The following TDRD3 variants were observed in gnomAD, a reference collection of about 807,000 sequenced individuals.
TDRD3 encodes tudor domain-containing protein 3.
TDRD3 carries 45 observed loss-of-function variants against 86.7 expected under a neutral mutation model. The observed-to-expected ratio is 0.52, with a 90% CI of 0.41 to 0.67. The LOEUF is 0.67. Ranked by LOEUF, TDRD3 falls within the 30% of genes least tolerant of loss-of-function variation. The probability of loss-of-function intolerance (pLI) is 0.00; values close to 1 mark genes in which losing one functional copy is unlikely to be tolerated. For missense variants in TDRD3, 814 were observed against 889.0 expected, an observed-to-expected ratio of 0.92 and a Z score of 1.07; for synonymous variants, 298 against 301.7, an observed-to-expected ratio of 0.99 and a Z score of 0.13.
chr13:60,456,367 A>G (rs1955670295), intron 3 of TDRD3, among the ~76,000 whole-genome samples: 1 of 152,200 alleles, frequency 6.6e-6, no homozygotes, highest in African/African-American at 2.4e-5. Context: ...CCTCAGGAGA[A>G]GAAGGAATGA....
chr13:60,419,995 CTCTT>C (rs1178858916), intron 1 of TDRD3, among the ~76,000 whole-genome samples: 6 of 151,480 alleles, frequency 4.0e-5, no homozygotes, highest in African/African-American at 1.5e-4. Flanking sequence ...ATTTTCATCT[CTCTT>C]ATAATTATTG....
intron 8 of TDRD3, among the ~76,000 whole-genome samples, chr13:60,504,938 A>G (rs1956904756): frequency 6.6e-6 from 1 of 152,210 alleles, no homozygotes; most frequent in Non-Finnish European, 1.5e-5. Flanking sequence ...CAGTCTTCAC[A>G]ACCTGCACAC....
chr13:60,550,743 G>T (rs1482573932), intron 12 of TDRD3, among the ~76,000 whole-genome samples: 1 of 152,076 alleles, frequency 6.6e-6, no homozygotes, highest in African/African-American at 2.4e-5. Flanking sequence ...GGATAAAATA[G>T]TCAAATTGCT....
chr13:60,397,153 C>T (rs192496166), upstream of TDRD3: 61 of 397,504 alleles, frequency 1.5e-4, no homozygotes, highest in African/African-American at 1.1e-3. Flanking sequence ...AGCCCCACAC[C>T]AGGCCGGCCC....
At chr13:60,557,634 ACT>A (rs1346616185) in intron 12 of TDRD3, among the ~76,000 whole-genome samples, 4 of 151,502 alleles carry the variant, frequency 2.6e-5, no homozygotes, top group Admixed American at 2.0e-4. Context: ...ATATTTCTTA[ACT>A]CTCATTAAGA....
intron 9 of TDRD3, among the ~76,000 whole-genome samples, chr13:60,510,413 C>T (rs573988436): frequency 4.6e-5 from 7 of 151,946 alleles, no homozygotes; most frequent in East Asian, 1.9e-4. Flanking sequence ...TGAACAAATT[C>T]GGACTTCTGA....
At chr13:60,461,495 T>A (rs1433966781) in intron 4 of TDRD3, among the ~76,000 whole-genome samples, 1 of 152,200 alleles carries the variant, frequency 6.6e-6, no homozygotes, top group Non-Finnish European at 1.5e-5. Flanking sequence ...ACTAGACATT[T>A]GCAGCCCTCC....
chr13:60,433,954 CT>C (rs1226615365), intron 1 of TDRD3: 1 of 152,164 alleles, frequency 6.6e-6, no homozygotes, highest in African/African-American at 2.4e-5. Flanking sequence ...TGGAGATCTA[CT>C]ATCTGGAACA....
intron 8 of TDRD3, among the ~76,000 whole-genome samples, chr13:60,496,818 AG>A (rs1212848339): frequency 2.6e-5 from 4 of 152,086 alleles, no homozygotes; most frequent in African/African-American, 9.7e-5. Flanking sequence ...TTGTTACTGG[AG>A]GGTCCTTGTT....
At chr13:60,455,848 A>T (rs1302292709) in intron 3 of TDRD3, among the ~76,000 whole-genome samples, 1 of 152,094 alleles carries the variant, frequency 6.6e-6, no homozygotes, top group African/African-American at 2.4e-5. Flanking sequence ...TGGGTGGATC[A>T]CCTGAGGTCC....
At chr13:60,444,867 C>G in intron 3 of TDRD3, 119 bp downstream of exon 3, 1 of 500,970 alleles carries the variant, frequency 2.0e-6, no homozygotes, top group Non-Finnish European at 3.4e-6. Context: ...TGGAGGTGAA[C>G]AGGTCACAAA....
At chr13:60,481,647 T>C (rs1956320613) in intron 5 of TDRD3, among the ~76,000 whole-genome samples, 1 of 152,174 alleles carries the variant, frequency 6.6e-6, no homozygotes, top group African/African-American at 2.4e-5. Flanking sequence ...ATGTTTTCTT[T>C]TAAATACTTA....
chr13:60,406,864 A>T (rs1411141384), intron 1 of TDRD3, among the ~76,000 whole-genome samples: 1 of 152,200 alleles, frequency 6.6e-6, no homozygotes, highest in African/African-American at 2.4e-5. Context: ...TAAATATATA[A>T]AATACAAATA....
intron 8 of TDRD3, among the ~76,000 whole-genome samples, chr13:60,499,300 G>A (rs187610955): frequency 6.6e-6 from 1 of 152,308 alleles, no homozygotes; most frequent in African/African-American, 2.4e-5. Context: ...GACTCCAATT[G>A]CAGCTGCTGT....
intron 13 of TDRD3, among the ~76,000 whole-genome samples, chr13:60,572,016 T>A (rs914582488): frequency 4.6e-5 from 7 of 152,104 alleles, no homozygotes; most frequent in African/African-American, 1.7e-4. Flanking sequence ...TGAGCAGATA[T>A]AAAATAGAGA....
At chr13:60,529,653 A>C (rs1957536104) in intron 11 of TDRD3, among the ~76,000 whole-genome samples, 1 of 152,050 alleles carries the variant, frequency 6.6e-6, no homozygotes, top group African/African-American at 2.4e-5. Flanking sequence ...TTACTTTTTT[A>C]AAAAGTTAAC....
chr13:60,513,273 C>T lies in TDRD3; in HGVS notation c.1141+2518C>T, dbSNP rs112276065. Among the ~76,000 whole-genome samples, 524 of 152,256 alleles carry T rather than the reference C, an allele frequency of 3.4e-3. 4 individuals carry two copies. The highest frequency in any genetic ancestry group is 0.012 in the African/African-American group (492 of 41,558). ...CCTAGGCTGCACATAGCATGGGGACCCTGGGCCCAGCCCATGAAACCATTT... is the reference window on the plus strand; with the variant it reads ...CCTAGGCTGCACATAGCATGGGGACTCTGGGCCCAGCCCATGAAACCATTT... On this transcript the variant is annotated intron_variant, in intron 10 of 13. Coordinates refer to ENST00000377881, the MANE Select transcript of TDRD3 (RefSeq NM_001146070.2).
At chr13:60,398,843 C>G (rs1331464910) in intron 1 of TDRD3, among the ~76,000 whole-genome samples, 1 of 151,520 alleles carries the variant, frequency 6.6e-6, no homozygotes, top group Admixed American at 6.6e-5. Flanking sequence ...TGTTTCTGTT[C>G]AATAGGAATC....
At chr13:60,429,051 T>A (rs1954886800) in intron 1 of TDRD3, among the ~76,000 whole-genome samples, 1 of 152,226 alleles carries the variant, frequency 6.6e-6, no homozygotes, top group Non-Finnish European at 1.5e-5. Flanking sequence ...ACTTTGTATT[T>A]AAGATGCATT....
Sources: gnomAD v4.1 joint callset for allele counts (sites outside exome capture counted in the v4.1 genomes callset) on GRCh38, gnomAD v4.1.1 for gene constraint, MANE v1.5 for transcripts, NCBI Gene and HGNC (gene_info 2026-07-23, HGNC 2026-07-21) for gene names.